CXXC5: variants seen among roughly 807,000 people sequenced by gnomAD.
CXXC5 encodes CXXC finger protein 5, also known as CXXC-type zinc finger protein 5.
Under a neutral mutation model 17.6 loss-of-function variants are expected in CXXC5, and 2 were observed. The ratio of observed to expected loss-of-function variants is 0.11; its 90% CI spans 0.05 to 0.36. CXXC5 has a LOEUF of 0.36. CXXC5 is among the 10% of genes least tolerant of loss of function. CXXC5 has a pLI of 1.00. For missense variants in CXXC5, 343 were observed against 458.3 expected (o/e 0.75, Z 2.30); for synonymous variants, 171 against 193.0 (o/e 0.89, Z 0.94).
At position 139,680,879 on chromosome 5, in the gene CXXC5, A is replaced by G. The variant is rs1757169581; in HGVS notation, c.356A>G (p.His119Arg). The change falls in exon 2 of 3, where the codon CAT becomes CGT. Residue 119 changes from histidine (H) to arginine (R), a missense_variant. Around this residue, in one of 4 missense-constraint regions of CXXC5, gnomAD observed 297 missense variants for 363.4 expected, o/e 0.82. Coordinates refer to ENST00000302517, the MANE Select transcript of CXXC5 (RefSeq NM_016463.9). Reference sequence around the variant, plus strand: ...GCTGCCTCCCTGTTGGCCAATGGGCATGACCTGGCGGCGGCCATGGCGGTG... The same window carrying G: ...GCTGCCTCCCTGTTGGCCAATGGGCGTGACCTGGCGGCGGCCATGGCGGTG... ...AAAASLLANG[H>R]DLAAAMAVDK... The G allele has an allele frequency of 6.2e-7, 1 of 1,607,962 alleles. No individual in the cohort carries two copies. The highest frequency in any genetic ancestry group is 8.5e-7 in the Non-Finnish European group (1 of 1,179,980).
intron 1 of CXXC5, among the ~76,000 whole-genome samples, chr5:139,669,401 T>G (rs1324388303): frequency 6.6e-6 from 1 of 151,728 alleles, no homozygotes; most frequent in Non-Finnish European, 1.5e-5. Context: ...CATCACTGAG[T>G]GCTTGGGACA....
intron 1 of CXXC5, among the ~76,000 whole-genome samples, chr5:139,655,378 C>T (rs1755433246): frequency 6.6e-6 from 1 of 152,022 alleles, no homozygotes; most frequent in African/African-American, 2.4e-5. Context: ...ATTTCATGGC[C>T]CTTCAAGCCG....
At chr5:139,655,448 C>G (rs532552913) in intron 1 of CXXC5, among the ~76,000 whole-genome samples, 1 of 151,078 alleles carries the variant, frequency 6.6e-6, no homozygotes. Flanking sequence ...CCGCCGCCCC[C>G]CTGGGCATCC....
intron 1 of CXXC5, among the ~76,000 whole-genome samples, chr5:139,667,478 A>T (rs1756173117): frequency 6.6e-6 from 1 of 152,184 alleles, no homozygotes; most frequent in South Asian, 2.1e-4. Flanking sequence ...CCCCTATTTT[A>T]CAGATGGGTC....
chr5:139,676,202 C>T (rs543553136), intron 1 of CXXC5, among the ~76,000 whole-genome samples: 2 of 117,542 alleles, frequency 1.7e-5, no homozygotes, highest in African/African-American at 3.3e-5. Context: ...CCCCCAAGCC[C>T]TCCTCCCCAC....
intron 1 of CXXC5, among the ~76,000 whole-genome samples, chr5:139,653,160 G>A (rs1010941782): frequency 3.9e-5 from 6 of 152,228 alleles, no homozygotes; most frequent in African/African-American, 1.4e-4. Flanking sequence ...TAACTGGGCA[G>A]CCTCCCCGTC....
Position 139,663,167 on chromosome 5 carries a change from C to T in CXXC5, c.-161+14322C>T, listed in dbSNP as rs1755915815. On this transcript the variant is annotated intron_variant, in intron 1 of 2. Coordinates refer to ENST00000302517, the MANE Select transcript of CXXC5 (RefSeq NM_016463.9). The surrounding 1 kb of genome is among the most constrained non-coding windows in gnomAD (Gnocchi z 4.2). ...ATGGGTTGGACCCAGGGCAAAGGAA[C>T]CCATGGGTGTTGGGTGGAAAATCCT... 6.6e-6 allele frequency among the ~76,000 whole-genome samples: 1 copy of T among 152,062 alleles called. No individual in the cohort carries two copies. Among genetic ancestry groups the T allele is most frequent in the African/African-American group, 2.4e-5 (1 of 41,416 alleles).
intron 1 of CXXC5, among the ~76,000 whole-genome samples, chr5:139,671,439 G>C (rs1756462624): frequency 6.6e-6 from 1 of 152,198 alleles, no homozygotes; most frequent in African/African-American, 2.4e-5. Flanking sequence ...CGGGAGAGGA[G>C]CTAGATGGAG....
rs1022236063 is a variant in CXXC5, at chr5:139,658,876, T to G, written c.-161+10031T>G. ...TTGAACTGTAGGAGAGTTAGGAGTG[T>G]CATCTAGAGCAGCCTAGCTGGGCGT... On this transcript the variant is annotated intron_variant, in intron 1 of 2. Coordinates refer to ENST00000302517, the MANE Select transcript of CXXC5 (RefSeq NM_016463.9). The surrounding 1 kb of genome is among the most constrained non-coding windows in gnomAD (Gnocchi z 4.1). 5.3e-5 allele frequency among the ~76,000 whole-genome samples: 8 copies of G among 152,182 alleles called. No individual in the cohort carries two copies. The highest frequency in any genetic ancestry group is 1.9e-4 in the African/African-American group (8 of 41,426).
rs1034682206 is a variant in CXXC5 at position 139,683,426 on chromosome 5, G to GA, written c.*521dup. Reference sequence around the variant, plus strand: ...GAGAATCCACTCACGTTCATAAAGAGAATGTTGATGGCGCCGTGTAGAAGC... The same window carrying GA: ...GAGAATCCACTCACGTTCATAAAGAGAAATGTTGATGGCGCCGTGTAGAAGC... On this transcript the variant is annotated 3_prime_UTR_variant, in exon 3 of 3. Transcript: ENST00000302517. 4 of 152,466 alleles carry GA rather than the reference G, an allele frequency of 2.6e-5. No homozygotes were observed. The highest frequency in any genetic ancestry group is 9.7e-5 in the African/African-American group (4 of 41,446). The allele number at this position is 152,466 out of a possible 1,614,324, so 9.4% of individuals were successfully genotyped here. A position where few individuals can be genotyped will look rare whatever the true frequency, so the allele number is the denominator to read the frequency against.
At position 139,680,423 on chromosome 5, in the gene CXXC5, C is replaced by T. The variant is rs1757114267; in HGVS notation, c.-101C>T. The T allele has an allele frequency of 6.9e-7, 1 of 1,445,388 alleles. No homozygotes were observed. The highest frequency in any genetic ancestry group is 2.5e-5 in the East Asian group (1 of 40,270). The allele number at this position is 1,445,388 out of a possible 1,614,324, so 89.5% of individuals were successfully genotyped here. A position where few individuals can be genotyped will look rare whatever the true frequency, so the allele number is the denominator to read the frequency against. Reference sequence around the variant, plus strand: ...TGCCTGCCCTGAGCAGCGAGGCCCACCAGGCATCTCTGTTGTGGGCAGCAG... The same window carrying T: ...TGCCTGCCCTGAGCAGCGAGGCCCATCAGGCATCTCTGTTGTGGGCAGCAG... On this transcript the variant is annotated 5_prime_UTR_variant, in exon 2 of 3. Transcript: ENST00000302517.
At chr5:139,682,647 T>C (rs1226133821) in intron 2 of CXXC5, among the ~76,000 whole-genome samples, 2 of 152,156 alleles carry the variant, frequency 1.3e-5, no homozygotes, top group African/African-American at 4.8e-5. Flanking sequence ...GCACAGTGGC[T>C]CAGGAGGCCT....
chr5:139,674,992 C>G (rs933124640), intron 1 of CXXC5, among the ~76,000 whole-genome samples: 1 of 152,180 alleles, frequency 6.6e-6, no homozygotes, highest in Non-Finnish European at 1.5e-5. Flanking sequence ...TTATCCTTAA[C>G]TCTCAAACTA....
intron 1 of CXXC5, chr5:139,649,136 C>CT (rs1755017347): frequency 6.6e-6 from 1 of 152,364 alleles, no homozygotes; most frequent in African/African-American, 2.4e-5. Flanking sequence ...GTGGCCGCTG[C>CT]TATACCCAAG....
At chr5:139,651,644 CTTG>C (rs1054072680) in intron 1 of CXXC5, among the ~76,000 whole-genome samples, 8 of 152,114 alleles carry the variant, frequency 5.3e-5, no homozygotes, top group East Asian at 1.9e-4. Flanking sequence ...CTGACTGCAC[CTTG>C]TTGTTTATGG....
At chr5:139,652,051 C>T (rs1347153046) in intron 1 of CXXC5, among the ~76,000 whole-genome samples, 1 of 152,040 alleles carries the variant, frequency 6.6e-6, no homozygotes, top group Non-Finnish European at 1.5e-5. Context: ...GCCCCGTTTC[C>T]CCGCCCCCTG....
rs566326446 is a variant in CXXC5, at chr5:139,683,130, C to T, written c.*223C>T. The stretch of plus-strand genomic sequence containing the variant: ...AAGAAAAAAATTTAAACTGCTTTTT[C>T]GGAAGAACAACAACAAAAAAGAGGT... On this transcript the variant is annotated 3_prime_UTR_variant, in exon 3 of 3. Transcript: ENST00000302517. 3.3e-4 allele frequency: 130 copies of T among 390,358 alleles called. No homozygotes were observed. The highest frequency in any genetic ancestry group is 1.8e-3 in the South Asian group (16 of 9,048). 24.2% of individuals were successfully genotyped at this position (390,358 alleles called of 1,614,324 possible). A position where few individuals can be genotyped will look rare whatever the true frequency, so the allele number is the denominator to read the frequency against.
intron 1 of CXXC5, among the ~76,000 whole-genome samples, chr5:139,675,924 A>C (rs1438991109): frequency 6.6e-6 from 1 of 152,002 alleles, no homozygotes; most frequent in Non-Finnish European, 1.5e-5. Context: ...AGAAGGGGGC[A>C]GGCTCCGTGC....
chr5:139,679,701 A>C (rs1369006494), intron 1 of CXXC5: 1 of 152,188 alleles, frequency 6.6e-6, no homozygotes, highest in Non-Finnish European at 1.5e-5. Context: ...TCACTCTGTC[A>C]TCCAGGCTGG....
Sources: allele counts gnomAD v4.1 joint callset (sites outside exome capture counted in the v4.1 genomes callset), GRCh38; gene constraint gnomAD v4.1.1; regional missense constraint gnomAD v4.1.1; non-coding constraint Gnocchi (gnomAD v3.1); transcripts MANE v1.5; gene names NCBI Gene and HGNC (gene_info 2026-07-23, HGNC 2026-07-21).